The following CST8 variants were observed in gnomAD, a reference collection of about 807,000 sequenced individuals.
The protein encoded by CST8 is cystatin-8.
Under a neutral mutation model 11.8 loss-of-function variants are expected in CST8, and 20 were observed. The observed-to-expected ratio is 1.70, with a 90% CI of 1.20 to 2.47. The LOEUF is 2.47. Ranked by LOEUF, CST8 falls within the 30% of genes most tolerant of loss-of-function variation. The pLI, the probability that CST8 is intolerant of heterozygous loss-of-function variation, is 0.00. For synonymous variants in CST8, 77 were observed against 63.1 expected, an observed-to-expected ratio of 1.22 and a Z score of -1.05; for missense variants, 196 against 167.2, an observed-to-expected ratio of 1.17 and a Z score of -0.95.
chr20:23,495,770 CTTTTCTTTTTTTTT>C lies in CST8; in HGVS notation c.346-56_346-43del, dbSNP rs966987494. The C allele has an allele frequency of 8.2e-5, 95 of 1,151,530 alleles. 1 individual carries two copies. In the African/African-American group the frequency reaches 1.9e-3, roughly 23 times the overall value. The allele number at this position is 1,151,530 out of a possible 1,614,324, so 71.3% of individuals were successfully genotyped here. A position where few individuals can be genotyped will look rare whatever the true frequency, so the allele number is the denominator to read the frequency against. ...ACCTAGCAACAGGACAATTGTTTTT[CTTTTCTTTTTTTTT>C]TTTTTTTTGGCACTCTACTAATTTT... On this transcript the variant is annotated intron_variant, in intron 3 of 3. Coordinates refer to ENST00000246012, the MANE Select transcript of CST8 (RefSeq NM_005492.4).
chr20:23,503,029 A>C, the CST8 span, among the ~76,000 whole-genome samples: 1 of 152,206 alleles, frequency 6.6e-6, no homozygotes, highest in Admixed American at 6.5e-5. Flanking sequence ...GAAGAAGAAA[A>C]ACCAGTTTCC....
chr20:23,493,221 C>G, intron 3 of CST8, 150 bp downstream of exon 3: 1 of 628,380 alleles, frequency 1.6e-6, no homozygotes, highest in South Asian at 1.9e-5. Context: ...AGCAGAAGAT[C>G]CAGGGCCACG....
At chr20:23,506,972 T>G in the CST8 span, among the ~76,000 whole-genome samples, 1 of 152,170 alleles carries the variant, frequency 6.6e-6, no homozygotes, top group South Asian at 2.1e-4. Flanking sequence ...ACCATAAACA[T>G]TAGGTTGGCA....
chr20:23,495,814 G>A lies in CST8; in HGVS notation c.346-17G>A. 1 of 1,293,142 alleles carries A rather than the reference G, an allele frequency of 7.7e-7. No individual in the cohort carries two copies. The highest frequency in any genetic ancestry group is 1.5e-5 in the South Asian group (1 of 67,162). The allele number at this position is 1,293,142 out of a possible 1,614,324, so 80.1% of individuals were successfully genotyped here. A position where few individuals can be genotyped will look rare whatever the true frequency, so the allele number is the denominator to read the frequency against. On this transcript the variant is annotated splice_polypyrimidine_tract_variant and intron_variant, in intron 3 of 3. Coordinates refer to ENST00000246012, the MANE Select transcript of CST8 (RefSeq NM_005492.4). ...TTTTGGCACTCTACTAATTTTTGTT[G>A]TTGTCATCTTTTTCAGAAATTAAGC...
the CST8 span, among the ~76,000 whole-genome samples, chr20:23,503,111 G>A: frequency 6.6e-6 from 1 of 152,090 alleles, no homozygotes; most frequent in East Asian, 1.9e-4. Context: ...CAGGGTAAAT[G>A]AACAGTTAAT....
At chr20:23,496,412 T>A (rs1389737089), downstream of CST8, among the ~76,000 whole-genome samples, 2 of 151,966 alleles carry the variant, frequency 1.3e-5, no homozygotes, top group Non-Finnish European at 1.5e-5. Context: ...AGTTTATTAG[T>A]GATTTTCAAA....
At chr20:23,500,391 G>A (rs1988154664), downstream of CST8, among the ~76,000 whole-genome samples, 1 of 152,156 alleles carries the variant, frequency 6.6e-6, no homozygotes, top group Non-Finnish European at 1.5e-5. Flanking sequence ...CAGAGGACGT[G>A]AGTGCTGTCC....
chr20:23,495,994 C>A lies in CST8; in HGVS notation c.*80C>A. On this transcript the variant is annotated 3_prime_UTR_variant, in exon 4 of 4. Coordinates refer to ENST00000246012, the MANE Select transcript of CST8 (RefSeq NM_005492.4). Reference sequence around the variant, plus strand: ...AGCAATGGCAGGTGGGAGGCTCTTCCCAATGTGCTTTCTTCATGCATGCCT... The same window carrying A: ...AGCAATGGCAGGTGGGAGGCTCTTCACAATGTGCTTTCTTCATGCATGCCT... The A allele has an allele frequency of 1.8e-6, 2 of 1,117,294 alleles. No individual in the cohort carries two copies. Among genetic ancestry groups the A allele is most frequent in the Non-Finnish European group, 2.7e-6 (2 of 753,742 alleles). 69.2% of individuals were successfully genotyped at this position (1,117,294 alleles called of 1,614,324 possible).
the CST8 span, among the ~76,000 whole-genome samples, chr20:23,505,838 G>T: frequency 1.3e-5 from 2 of 152,180 alleles, no homozygotes; most frequent in Admixed American, 6.5e-5. Context: ...GAGATCCCAG[G>T]TGGTTTGTGT....
At chr20:23,501,652 A>G in the CST8 span, among the ~76,000 whole-genome samples, 1 of 152,262 alleles carries the variant, frequency 6.6e-6, no homozygotes. Flanking sequence ...GCTGTGGTCC[A>G]GAGAAGGCGA....
At chr20:23,500,208 T>C (rs370348592), downstream of CST8, among the ~76,000 whole-genome samples, 42 of 152,174 alleles carry the variant, frequency 2.8e-4, 2 homozygotes, top group South Asian at 8.7e-3. Flanking sequence ...CCACCAACTC[T>C]AGGGATTAAA....
downstream of CST8, among the ~76,000 whole-genome samples, chr20:23,499,027 C>A (rs1568658652): frequency 6.6e-6 from 1 of 152,120 alleles, no homozygotes; most frequent in South Asian, 2.1e-4. Context: ...ATTTTTGGAA[C>A]ATCTTGAATT....
the CST8 span, among the ~76,000 whole-genome samples, chr20:23,505,446 A>G: frequency 1.3e-5 from 2 of 152,130 alleles, no homozygotes; most frequent in East Asian, 1.9e-4. Flanking sequence ...GCCCAGCCAC[A>G]AGAAGCATTC....
downstream of CST8, among the ~76,000 whole-genome samples, chr20:23,497,989 G>C (rs1275541840): frequency 6.6e-6 from 1 of 150,436 alleles, no homozygotes; most frequent in Non-Finnish European, 1.5e-5. Flanking sequence ...GTGTGTGCAT[G>C]TGTGTGTGTG....
the CST8 span, among the ~76,000 whole-genome samples, chr20:23,504,948 G>A: frequency 2.0e-5 from 3 of 152,110 alleles, no homozygotes; most frequent in Non-Finnish European, 4.4e-5. Context: ...GGAGCTGGAG[G>A]ACTTCCCCGT....
At position 23,491,545 on chromosome 20, in the gene CST8, G is replaced by A. The variant is rs1987878575; in HGVS notation, c.-123G>A. 2.7e-6 allele frequency: 2 copies of A among 736,212 alleles called. No individual in the cohort carries two copies. Among genetic ancestry groups the A allele is most frequent in the Admixed American group, 4.3e-5 (2 of 46,426 alleles). 45.6% of individuals were successfully genotyped at this position (736,212 alleles called of 1,614,324 possible). ...TCCAGCTGGGCTGACGCTAACAGGA[G>A]GCAGTGTGTGGCTCGAAGATTCTTG... On this transcript the variant is annotated 5_prime_UTR_variant, in exon 2 of 4. Transcript: ENST00000246012.
chr20:23,506,206 C>A, the CST8 span, among the ~76,000 whole-genome samples: 3 of 152,130 alleles, frequency 2.0e-5, no homozygotes, highest in South Asian at 6.2e-4. Flanking sequence ...CCTTTGATGG[C>A]AAATCAAGGG....
downstream of CST8, among the ~76,000 whole-genome samples, chr20:23,500,157 A>G (rs894287615): frequency 1.3e-5 from 2 of 152,106 alleles, no homozygotes; most frequent in East Asian, 3.9e-4. Context: ...ACACCAAGCC[A>G]TTCATGAGGG....
rs1366689428 is a variant in CST8 at position 23,492,806 on chromosome 20, G to A, written c.232-152G>A. ...CTTGTTGTACACAGGGCTCCAGGCAGTGGGCATCTTAGCCTTCCGCTAAAG... is the reference window on the plus strand; with the variant it reads ...CTTGTTGTACACAGGGCTCCAGGCAATGGGCATCTTAGCCTTCCGCTAAAG... On this transcript the variant is annotated intron_variant, in intron 2 of 3. Coordinates refer to ENST00000246012, the MANE Select transcript of CST8 (RefSeq NM_005492.4). 4 of 658,990 alleles carry A rather than the reference G, an allele frequency of 6.1e-6. No individual in the cohort carries two copies. The East Asian group carries it at 7.7e-5, about 13-fold the overall frequency. The allele number at this position is 658,990 out of a possible 1,614,324, so 40.8% of individuals were successfully genotyped here. A position where few individuals can be genotyped will look rare whatever the true frequency, so the allele number is the denominator to read the frequency against.
Sources: gnomAD v4.1 joint callset for allele counts (sites outside exome capture counted in the v4.1 genomes callset) on GRCh38, gnomAD v4.1.1 for gene constraint, MANE v1.5 for transcripts, NCBI Gene and HGNC (gene_info 2026-07-23, HGNC 2026-07-21) for gene names.